Variants in BARX2 observed in about 807,000 individuals in gnomAD.
BARX2 encodes BARX homeobox 2, also known as homeobox protein BarH-like 2.
Under a neutral mutation model 25.5 loss-of-function variants are expected in BARX2, and 11 were observed. The ratio of observed to expected loss-of-function variants is 0.43; its 90% CI spans 0.27 to 0.71. The LOEUF (loss-of-function observed/expected upper bound fraction) is 0.71, where lower values mean the gene tolerates loss of function less well. Ranked by LOEUF, BARX2 falls within the 30% of genes least tolerant of loss-of-function variation. BARX2 has a pLI of 0.19. For synonymous variants in BARX2, 137 were observed against 149.5 expected, an observed-to-expected ratio of 0.92 and a Z score of 0.61; for missense variants, 360 against 359.9, an observed-to-expected ratio of 1.00 and a Z score of 0.00.
intron 1 of BARX2, among the ~76,000 whole-genome samples, chr11:129,417,047 T>C (rs1861952072): frequency 9.2e-5 from 14 of 151,620 alleles, no homozygotes; most frequent in Admixed American, 9.2e-4. Context: ...GACTGCAGGC[T>C]CCCGCCACCA....
chr11:129,397,255 C>G (rs1219454896), intron 1 of BARX2, among the ~76,000 whole-genome samples: 1 of 148,950 alleles, frequency 6.7e-6, no homozygotes, highest in East Asian at 2.0e-4. Context: ...TTGCACTCAG[C>G]TTGGGTGGAC....
rs141836643 is a variant in BARX2 at position 129,379,152 on chromosome 11, A to G, written c.187+2930A>G. 7.6e-3 allele frequency among the ~76,000 whole-genome samples: 1,164 copies of G among 152,298 alleles called. 8 individuals carry two copies. Among genetic ancestry groups the G allele is most frequent in the Non-Finnish European group, 0.013 (861 of 68,018 alleles). ...CTCGGTTTCCTAGTACGTCTCGTAA[A>G]TCATCCTAATAGACACTGCAAAAGG... On this transcript the variant is annotated intron_variant, in intron 1 of 3. Coordinates refer to ENST00000281437, the MANE Select transcript of BARX2 (RefSeq NM_003658.5).
intron 3 of BARX2, 142 bp from the exon 4 acceptor site, chr11:129,450,994 G>A: frequency 1.1e-6 from 1 of 947,430 alleles, no homozygotes; most frequent in Admixed American, 2.6e-5. Flanking sequence ...AGAGGTGATG[G>A]GTTGAGAATA....
intron 1 of BARX2, among the ~76,000 whole-genome samples, chr11:129,402,351 A>G (rs903153334): frequency 7.9e-5 from 12 of 152,166 alleles, no homozygotes; most frequent in African/African-American, 2.9e-4. Context: ...CTCACTACAC[A>G]GGATTGTTAT....
chr11:129,425,865 C>T (rs1862056475), intron 1 of BARX2, among the ~76,000 whole-genome samples: 1 of 152,074 alleles, frequency 6.6e-6, no homozygotes, highest in South Asian at 2.1e-4. Flanking sequence ...ATTTTTAAAC[C>T]TTTGTAAACT....
At chr11:129,435,125 C>T (rs1231531501) in intron 1 of BARX2, among the ~76,000 whole-genome samples, 3 of 152,182 alleles carry the variant, frequency 2.0e-5, no homozygotes, top group Non-Finnish European at 4.4e-5. Flanking sequence ...CAAGAAGTAT[C>T]ATTTCAGGAT....
chr11:129,383,144 A>G (rs1464690579), intron 1 of BARX2, among the ~76,000 whole-genome samples: 2 of 152,172 alleles, frequency 1.3e-5, no homozygotes, highest in Non-Finnish European at 2.9e-5. Flanking sequence ...TTGTTTTTTA[A>G]CCAGAAAACC....
intron 1 of BARX2, among the ~76,000 whole-genome samples, chr11:129,412,312 T>C (rs1042436510): frequency 4.6e-5 from 7 of 151,606 alleles, no homozygotes; most frequent in African/African-American, 1.2e-4. Flanking sequence ...GTTTATAAAA[T>C]ATAGGTAGAT....
Position 129,376,641 on chromosome 11 carries a change from T to G in BARX2, c.187+419T>G, listed in dbSNP as rs931015893. Reference sequence around the variant, plus strand: ...AGTTAACTTGTCCAGCCTCCTACTGTCTCCACTGTGAATTTTGCAAGTAAA... The same window carrying G: ...AGTTAACTTGTCCAGCCTCCTACTGGCTCCACTGTGAATTTTGCAAGTAAA... On this transcript the variant is annotated intron_variant, in intron 1 of 3. Transcript: ENST00000281437. This position sits in a 1 kb window ranked among gnomAD's most constrained non-coding sequence, Gnocchi z 4.2. 1.6e-4 allele frequency among the ~76,000 whole-genome samples: 25 copies of G among 152,214 alleles called. No individual in the cohort carries two copies. The highest frequency in any genetic ancestry group is 5.8e-4 in the African/African-American group (24 of 41,456).
At chr11:129,420,567 C>T (rs1861993361) in intron 1 of BARX2, among the ~76,000 whole-genome samples, 1 of 152,210 alleles carries the variant, frequency 6.6e-6, no homozygotes, top group Admixed American at 6.5e-5. Context: ...ATCACCTAAT[C>T]TCAAAGTCTT....
In BARX2 at chr11:129,384,124, G is replaced by T. The variant is rs536528037; in HGVS notation, c.187+7902G>T. ...CCCAACCTTGTGATCCACCTGCCTCGGCCTCCCAAAGTGCTGGAAGCCACC... is the reference window on the plus strand; with the variant it reads ...CCCAACCTTGTGATCCACCTGCCTCTGCCTCCCAAAGTGCTGGAAGCCACC... On this transcript the variant is annotated intron_variant, in intron 1 of 3. Transcript: ENST00000281437. Among the ~76,000 whole-genome samples the T allele has an allele frequency of 1.8e-4, 27 of 152,090 alleles. No individual in the cohort carries two copies. The South Asian group carries it at 5.2e-3, about 29-fold the overall frequency.
intron 1 of BARX2, among the ~76,000 whole-genome samples, chr11:129,426,257 G>A (rs1862061521): frequency 6.6e-6 from 1 of 151,832 alleles, no homozygotes; most frequent in South Asian, 2.1e-4. Flanking sequence ...ATGCGTATGG[G>A]GACACGGTCA....
chr11:129,417,140 A>G (rs534665172), intron 1 of BARX2, among the ~76,000 whole-genome samples: 3 of 152,106 alleles, frequency 2.0e-5, no homozygotes. Flanking sequence ...TGACCTCGTG[A>G]TCCACCCACC....
rs532277463 is a variant in BARX2 at position 129,451,677 on chromosome 11, G to A, written c.*275G>A. ...GCCTAGGAGCTGCCTGCCCCAGCTG[G>A]GGTGACGGCTGTAGGGCTGGGTCTA... On this transcript the variant is annotated 3_prime_UTR_variant, in exon 4 of 4. Coordinates refer to ENST00000281437, the MANE Select transcript of BARX2 (RefSeq NM_003658.5). 1.8e-5 allele frequency: 8 copies of A among 453,068 alleles called. No homozygotes were observed. Among genetic ancestry groups the A allele is most frequent in the South Asian group, 8.9e-5 (3 of 33,770 alleles). The allele number at this position is 453,068 out of a possible 1,614,324, so 28.1% of individuals were successfully genotyped here.
chr11:129,440,122 G>C (rs1676849904), intron 2 of BARX2, among the ~76,000 whole-genome samples: 1 of 152,124 alleles, frequency 6.6e-6, no homozygotes, highest in South Asian at 2.1e-4. Context: ...TCCTCCCACA[G>C]CTCTCACCCT....
intron 1 of BARX2, among the ~76,000 whole-genome samples, chr11:129,397,735 C>G (rs1182097588): frequency 6.6e-6 from 1 of 152,164 alleles, no homozygotes; most frequent in Non-Finnish European, 1.5e-5. Context: ...ACGACCAATT[C>G]CATGATGGGG....
At chr11:129,434,745 G>A (rs1475227822) in intron 1 of BARX2, among the ~76,000 whole-genome samples, 1 of 152,152 alleles carries the variant, frequency 6.6e-6, no homozygotes, top group Admixed American at 6.5e-5. Context: ...TTCCCTGTCA[G>A]TGACTTGGTA....
intron 1 of BARX2, among the ~76,000 whole-genome samples, chr11:129,428,376 C>A (rs1862091178): frequency 6.6e-6 from 1 of 152,180 alleles, no homozygotes; most frequent in African/African-American, 2.4e-5. Flanking sequence ...TCTCAGTAAC[C>A]AAAGTGTCTC....
At chr11:129,415,107 C>A (rs1174400913) in intron 1 of BARX2, among the ~76,000 whole-genome samples, 1 of 152,034 alleles carries the variant, frequency 6.6e-6, no homozygotes, top group Non-Finnish European at 1.5e-5. Context: ...CCTTTCCCCC[C>A]ATTATAAACT....
Sources: allele counts gnomAD v4.1 joint callset (sites outside exome capture counted in the v4.1 genomes callset), GRCh38; gene constraint gnomAD v4.1.1; non-coding constraint Gnocchi (gnomAD v3.1); transcripts MANE v1.5; gene names NCBI Gene and HGNC (gene_info 2026-07-23, HGNC 2026-07-21).